RBFOX1: variants seen among roughly 807,000 people sequenced by gnomAD.
RBFOX1 encodes the protein RNA binding protein fox-1 homolog 1.
Under a neutral mutation model 57.7 loss-of-function variants are expected in RBFOX1, and 8 were observed. The observed-to-expected ratio is 0.14, with a 90% CI of 0.08 to 0.25. The LOEUF (loss-of-function observed/expected upper bound fraction) is 0.25. Among genes scored for constraint, RBFOX1 ranks in the 10% least tolerant of loss-of-function variants. The pLI, the probability that RBFOX1 is intolerant of heterozygous loss-of-function variation, is 1.00. For synonymous variants in RBFOX1, 326 were observed against 222.4 expected, an observed-to-expected ratio of 1.47 and a Z score of -4.15; for missense variants, 611 against 548.5, an observed-to-expected ratio of 1.11 and a Z score of -1.14.
chr16:7,596,393 G>A (rs1002650597), intron 8 of RBFOX1, among the ~76,000 whole-genome samples: 1 of 151,564 alleles, frequency 6.6e-6, no homozygotes, highest in African/African-American at 2.4e-5. Flanking sequence ...AGTTACAAAT[G>A]CTTTAGTCTT....
chr16:7,193,982 A>G (rs1035808271), intron 4 of RBFOX1, among the ~76,000 whole-genome samples: 6 of 152,116 alleles, frequency 3.9e-5, no homozygotes, highest in African/African-American at 9.7e-5. Context: ...TTGGCTAAAA[A>G]TAGTCTTTCC....
intron 2 of RBFOX1, among the ~76,000 whole-genome samples, chr16:6,510,670 T>G (rs991764621): frequency 6.6e-6 from 1 of 152,098 alleles, no homozygotes; most frequent in Non-Finnish European, 1.5e-5. Flanking sequence ...CAAACACAGT[T>G]GGTTACTCTA....
chr16:7,627,817 C>A (rs551439066), intron 10 of RBFOX1, among the ~76,000 whole-genome samples: 6 of 152,034 alleles, frequency 3.9e-5, no homozygotes, highest in Non-Finnish European at 5.9e-5. Context: ...TAAGTACTTT[C>A]CAAATTAAAT....
At chr16:7,134,642 A>C (rs1283402395) in intron 4 of RBFOX1, among the ~76,000 whole-genome samples, 3 of 152,158 alleles carry the variant, frequency 2.0e-5, no homozygotes, top group African/African-American at 7.2e-5. Context: ...TGATCGTTGA[A>C]GAAAAGAATT....
chr16:5,759,713 C>T (rs1395300130), intron 3 of RBFOX1, among the ~76,000 whole-genome samples: 3 of 152,180 alleles, frequency 2.0e-5, no homozygotes, highest in Non-Finnish European at 2.9e-5. Flanking sequence ...CGGTCTTTCT[C>T]TAAAAAGATG....
intron 4 of RBFOX1, among the ~76,000 whole-genome samples, chr16:7,059,137 A>T (rs1166332572): frequency 6.6e-6 from 1 of 152,224 alleles, no homozygotes; most frequent in East Asian, 1.9e-4. Context: ...ACATCAGATA[A>T]TGAAACTTCC....
chr16:7,175,072 G>A (rs746677304), intron 4 of RBFOX1, among the ~76,000 whole-genome samples: 13 of 151,490 alleles, frequency 8.6e-5, no homozygotes, highest in Non-Finnish European at 1.6e-4. Flanking sequence ...TGGGGTACAT[G>A]TGCAGGATGT....
intron 3 of RBFOX1, among the ~76,000 whole-genome samples, chr16:5,836,036 C>T (rs1022647849): frequency 4.6e-5 from 7 of 152,302 alleles, no homozygotes; most frequent in East Asian, 1.9e-4. Flanking sequence ...TCAGATTAGT[C>T]CCTGCCAGAA....
chr16:7,403,226 G>T (rs188136290), intron 4 of RBFOX1, among the ~76,000 whole-genome samples: 1 of 152,126 alleles, frequency 6.6e-6, no homozygotes, highest in African/African-American at 2.4e-5. Context: ...TCAGAGTTCC[G>T]TTTTTTGGTG....
chr16:7,366,136 C>A (rs1486480008), intron 4 of RBFOX1, among the ~76,000 whole-genome samples: 1 of 152,136 alleles, frequency 6.6e-6, no homozygotes, highest in Non-Finnish European at 1.5e-5. Context: ...TGGCAGCTGA[C>A]CCTCTAAACA....
chr16:7,122,431 G>A (rs923368912), intron 4 of RBFOX1, among the ~76,000 whole-genome samples: 1 of 151,804 alleles, frequency 6.6e-6, no homozygotes, highest in Non-Finnish European at 1.5e-5. Flanking sequence ...ATATTCATCA[G>A]GCAAAAACCT....
At chr16:6,612,863 A>AAATAATAAT (rs60899951) in intron 2 of RBFOX1, among the ~76,000 whole-genome samples, 1,670 of 132,176 alleles carry the variant, frequency 0.013, 14 homozygotes, top group Non-Finnish European at 0.02. Context: ...AAAAAAAAAA[A>AAATAATAAT]AATAATAATA....
intron 1 of RBFOX1, among the ~76,000 whole-genome samples, chr16:6,105,781 C>T (rs572154471): frequency 1.3e-5 from 2 of 151,682 alleles, no homozygotes; most frequent in Non-Finnish European, 2.9e-5. Flanking sequence ...TTTATGTTTT[C>T]CTGTATGTAT....
In RBFOX1 at chr16:5,952,100, T is replaced by C. The variant is rs868829566; in HGVS notation, c.351+84765T>C. ...ATGTGTATATATGCATATATATATA[T>C]ACACACATATATGTATACACACACA... On this transcript the variant is annotated intron_variant, in intron 4 of 19. Transcript: ENST00000641259. Among the ~76,000 whole-genome samples, 183 of 150,470 alleles carry C rather than the reference T, an allele frequency of 1.2e-3. 1 individual carries two copies. Among genetic ancestry groups the C allele is most frequent in the African/African-American group, 3.3e-3 (137 of 41,150 alleles).
intron 3 of RBFOX1, among the ~76,000 whole-genome samples, chr16:6,681,865 C>T (rs954469396): frequency 4.6e-5 from 7 of 152,152 alleles, no homozygotes; most frequent in African/African-American, 1.4e-4. Context: ...GAGTGTCAAT[C>T]CAGTAAATCT....
chr16:5,891,128 T>A (rs1209702287), intron 4 of RBFOX1, among the ~76,000 whole-genome samples: 2 of 152,116 alleles, frequency 1.3e-5, no homozygotes, highest in Admixed American at 6.5e-5. Context: ...AGCACAGAAG[T>A]CAGTTCTGCC....
In RBFOX1 at chr16:6,780,131, TTATATATTTA is replaced by T. The variant is rs1266326145; in HGVS notation, c.-16+125499_-16+125508del. The stretch of plus-strand genomic sequence containing the variant: ...TATTTATATATATTTATATATATAT[TTATATATTTA>T]TATATATTTATATATATATTTATAT... On this transcript the variant is annotated intron_variant, in intron 3 of 15. Transcript: ENST00000550418. Among the ~76,000 whole-genome samples the T allele has an allele frequency of 1.5e-3, 40 of 26,364 alleles. 7 individuals are homozygous for T. The highest frequency in any genetic ancestry group is 4.1e-3 in the African/African-American group (18 of 4,370). The allele number at this position is 26,364 out of a possible 152,430, so 17.3% of individuals were successfully genotyped here.
chr16:7,151,835 G>T (rs1328431433), intron 4 of RBFOX1, among the ~76,000 whole-genome samples: 1 of 151,998 alleles, frequency 6.6e-6, no homozygotes, highest in Non-Finnish European at 1.5e-5. Context: ...TAGCTCCTTC[G>T]CATGCACAGT....
chr16:5,443,837 A>G (rs1250547550), intron 1 of RBFOX1, among the ~76,000 whole-genome samples: 2 of 152,188 alleles, frequency 1.3e-5, no homozygotes, highest in East Asian at 3.9e-4. Context: ...ATGGTCACCT[A>G]TTTTTTGAAA....
Sources: gnomAD v4.1 joint callset for allele counts (sites outside exome capture counted in the v4.1 genomes callset) on GRCh38, gnomAD v4.1.1 for gene constraint, MANE v1.5 for transcripts, NCBI Gene and HGNC (gene_info 2026-07-23, HGNC 2026-07-21) for gene names.